GABRB2: variants seen among roughly 807,000 people sequenced by gnomAD.
GABRB2 encodes the protein gamma-aminobutyric acid receptor subunit beta-2.
GABRB2 carries 16 observed loss-of-function variants against 54.7 expected under a neutral mutation model. The ratio of observed to expected loss-of-function variants is 0.29; its 90% CI spans 0.20 to 0.44. GABRB2 has a LOEUF of 0.44. GABRB2 is among the 20% of genes least tolerant of loss of function. The pLI is 1.00. For missense variants in GABRB2, 355 were observed against 644.0 expected, an observed-to-expected ratio of 0.55 and a Z score of 4.86; for synonymous variants, 244 against 233.8, an observed-to-expected ratio of 1.04 and a Z score of -0.40.
chr5:161,374,006 CG>C (rs1561626993), intron 5 of GABRB2, among the ~76,000 whole-genome samples: 1 of 152,096 alleles, frequency 6.6e-6, no homozygotes, highest in Non-Finnish European at 1.5e-5. Flanking sequence ...TGCAGTGGCA[CG>C]ATCTCGGCTC....
intron 5 of GABRB2, among the ~76,000 whole-genome samples, chr5:161,343,070 C>T (rs1402485148): frequency 2.0e-5 from 3 of 152,000 alleles, no homozygotes; most frequent in South Asian, 2.1e-4. Flanking sequence ...TGGGATCTTT[C>T]GAGAGGCAGA....
intron 5 of GABRB2, among the ~76,000 whole-genome samples, chr5:161,339,926 TA>T (rs1273261566): frequency 6.6e-6 from 1 of 151,776 alleles, no homozygotes; most frequent in African/African-American, 2.4e-5. Flanking sequence ...CATTAGGACA[TA>T]AAAAATACAT....
chr5:161,495,178 T>C (rs1387863823), intron 3 of GABRB2, among the ~76,000 whole-genome samples: 4 of 151,984 alleles, frequency 2.6e-5, no homozygotes, highest in Non-Finnish European at 5.9e-5. Flanking sequence ...TCCATTTCTA[T>C]ATGGTAAATG....
chr5:161,483,998 C>A (rs1464965636), intron 3 of GABRB2, among the ~76,000 whole-genome samples: 1 of 151,706 alleles, frequency 6.6e-6, no homozygotes, highest in Non-Finnish European at 1.5e-5. Context: ...AAAGAGGATT[C>A]TATCTTTACC....
chr5:161,319,212 G>A (rs977110374), intron 9 of GABRB2, among the ~76,000 whole-genome samples: 2 of 149,830 alleles, frequency 1.3e-5, no homozygotes, highest in African/African-American at 2.4e-5. Context: ...TAAGCCAAGA[G>A]GCAAGAGTCA....
intron 9 of GABRB2, 77 bp from the exon 10 acceptor site, chr5:161,294,505 C>T (rs1297075379): frequency 4.7e-6 from 6 of 1,274,758 alleles, no homozygotes; most frequent in Admixed American, 2.0e-5. Context: ...GCACTATGAT[C>T]GGCACTTAAG....
At chr5:161,538,035 T>C (rs1760698632) in intron 3 of GABRB2, among the ~76,000 whole-genome samples, 1 of 152,054 alleles carries the variant, frequency 6.6e-6, no homozygotes, top group South Asian at 2.1e-4. Context: ...CTATGCCCTG[T>C]GTATATCCTC....
chr5:161,508,922 T>A (rs117295694), intron 3 of GABRB2, among the ~76,000 whole-genome samples: 2 of 152,000 alleles, frequency 1.3e-5, no homozygotes. Flanking sequence ...CTCTATTGTA[T>A]AAGTAAGGTA....
rs192525932 is a variant in GABRB2, at chr5:161,466,349, T to C, written c.238-6505A>G. On this transcript the variant is annotated intron_variant, in intron 3 of 9. Coordinates refer to ENST00000393959, the MANE Select transcript of GABRB2 (RefSeq NM_001371727.1). ...ATCCTTTGTAATAAACAAATATCTT[T>C]GGTAGATATTTTAGGATTATGGAAA... 3.1e-3 allele frequency among the ~76,000 whole-genome samples: 470 copies of C among 152,198 alleles called. 2 individuals are homozygous for C. Among genetic ancestry groups the C allele is most frequent in the African/African-American group, 9.7e-3 (402 of 41,538 alleles).
chr5:161,346,448 C>T (rs1754320015), intron 5 of GABRB2, among the ~76,000 whole-genome samples: 1 of 152,092 alleles, frequency 6.6e-6, no homozygotes, highest in Admixed American at 6.6e-5. Context: ...GTGATATGCA[C>T]AAATGTGCAA....
intron 3 of GABRB2, among the ~76,000 whole-genome samples, chr5:161,480,898 G>A (rs1021813320): frequency 6.6e-6 from 1 of 151,932 alleles, no homozygotes; most frequent in Non-Finnish European, 1.5e-5. Flanking sequence ...ATATCTTAAG[G>A]AAAATGATGG....
At chr5:161,442,007 G>T (rs1418362810) in intron 4 of GABRB2, among the ~76,000 whole-genome samples, 1 of 152,090 alleles carries the variant, frequency 6.6e-6, no homozygotes, top group South Asian at 2.1e-4. Context: ...GACGGTTATT[G>T]CGTACAAAAA....
intron 9 of GABRB2, among the ~76,000 whole-genome samples, chr5:161,295,360 T>C (rs1211439270): frequency 6.6e-6 from 1 of 152,228 alleles, no homozygotes; most frequent in Non-Finnish European, 1.5e-5. Context: ...TTACATAATG[T>C]TCTTTCTTGT....
chr5:161,311,468 A>G (rs745890956), intron 9 of GABRB2, among the ~76,000 whole-genome samples: 1 of 152,230 alleles, frequency 6.6e-6, no homozygotes, highest in Non-Finnish European at 1.5e-5. Context: ...GACCCTGAGC[A>G]AGTCACTGAA....
At position 161,459,621 on chromosome 5, in the gene GABRB2, G is replaced by A. The variant is rs2113263600; in HGVS notation, c.458+3C>T. The stretch of plus-strand genomic sequence containing the variant: ...GTTATATTTTGAATTGGGGACAACA[G>A]ACCTGAGTCCATAAAGGACGGTGCC... On this transcript the variant is annotated splice_donor_region_variant and intron_variant, in intron 4 of 9. Transcript: ENST00000393959. 1.2e-6 allele frequency: 2 copies of A among 1,612,084 alleles called. No individual in the cohort carries two copies. Among genetic ancestry groups the A allele is most frequent in the Non-Finnish European group, 1.7e-6 (2 of 1,178,186 alleles).
intron 5 of GABRB2, among the ~76,000 whole-genome samples, chr5:161,352,430 T>C (rs1754501989): frequency 6.6e-6 from 1 of 151,976 alleles, no homozygotes; most frequent in South Asian, 2.1e-4. Context: ...TAGAGGACAT[T>C]ATGTTAAGTG....
At chr5:161,487,658 T>C (rs1758968875) in intron 3 of GABRB2, among the ~76,000 whole-genome samples, 1 of 151,936 alleles carries the variant, frequency 6.6e-6, no homozygotes, top group Non-Finnish European at 1.5e-5. Context: ...ATTTATCCTT[T>C]CTGTCAGTTT....
chr5:161,379,716 T>G (rs1271365970), intron 5 of GABRB2, among the ~76,000 whole-genome samples: 1 of 152,108 alleles, frequency 6.6e-6, no homozygotes, highest in Non-Finnish European at 1.5e-5. Flanking sequence ...ATTACCCCCT[T>G]TCTGAGTCAA....
intron 4 of GABRB2, among the ~76,000 whole-genome samples, chr5:161,445,167 G>A (rs1757581252): frequency 6.6e-6 from 1 of 152,128 alleles, no homozygotes; most frequent in South Asian, 2.1e-4. Flanking sequence ...TACTCTCACA[G>A]AGCTTATATT....
Sources: allele counts gnomAD v4.1 joint callset (sites outside exome capture counted in the v4.1 genomes callset), GRCh38; gene constraint gnomAD v4.1.1; transcripts MANE v1.5; gene names NCBI Gene and HGNC (gene_info 2026-07-23, HGNC 2026-07-21).